The following ZNF652 variants were observed in gnomAD, a reference collection of about 807,000 sequenced individuals.
The protein encoded by ZNF652 is zinc finger protein 652.
Under a neutral mutation model 45.2 loss-of-function variants are expected in ZNF652, and 16 were observed. The ratio of observed to expected loss-of-function variants is 0.35; its 90% CI spans 0.24 to 0.54. ZNF652 has a LOEUF of 0.54. Among genes scored for constraint, ZNF652 ranks in the 20% least tolerant of loss-of-function variants. The pLI is 0.91. For missense variants in ZNF652, 614 were observed against 765.6 expected (o/e 0.80, Z 2.34); for synonymous variants, 250 against 260.6 (o/e 0.96, Z 0.39).
Position 49,295,937 on chromosome 17 carries a change from C to CAAAAAAAAAAAAAAAAA in ZNF652, c.*2459_*2475dup, listed in dbSNP as rs147522359. 6 of 51,256 alleles carry CAAAAAAAAAAAAAAAAA rather than the reference C, an allele frequency of 1.2e-4. No individual in the cohort carries two copies. The highest frequency in any genetic ancestry group is 1.5e-4 in the African/African-American group (2 of 13,628). 3.2% of individuals were successfully genotyped at this position (51,256 alleles called of 1,614,324 possible). On this transcript the variant is annotated 3_prime_UTR_variant, in exon 6 of 6. Transcript: ENST00000430262. ...CAGGCAACAGAACAAGACTCTGCCT[C>CAAAAAAAAAAAAAAAAA]AAAAAAAAAAAAAAAAAAAAAAAAA...
Position 49,298,466 on chromosome 17 carries a change from C to T in ZNF652, c.1768G>A (p.Asp590Asn). The T allele has an allele frequency of 6.2e-7, 1 of 1,613,012 alleles. No individual in the cohort carries two copies. The highest frequency in any genetic ancestry group is 1.9e-4 in the Middle Eastern group (1 of 5,204). Residue 590 changes from aspartate to asparagine, a missense_variant, in exon 6 of 6, where the codon GAC (aspartate) becomes AAC (asparagine). By Grantham distance (23) the Asp-to-Asn change is conservative (BLOSUM62 1). Transcript: ENST00000430262. ...TCTGCCAGGTGCCGCAGAAAGTTGT[C>T]CTCACTCTGGCCTCTATGATTTAAA... ...EPLNHRGQSEDNFLRHLAEKN... is the reference protein window; with the variant it reads ...EPLNHRGQSENNFLRHLAEKN...
chr17:49,327,744 T>A (rs1598302291), intron 1 of ZNF652, among the ~76,000 whole-genome samples: 2 of 5,030 alleles, frequency 4.0e-4, no homozygotes, highest in African/African-American at 1.3e-3. Context: ...TATATATATA[T>A]ATATATATAT....
At position 49,295,845 on chromosome 17, in the gene ZNF652, G is replaced by A. The variant is rs1404694885; in HGVS notation, c.*2568C>T. 2 of 147,968 alleles carry A rather than the reference G, an allele frequency of 1.4e-5. No individual in the cohort carries two copies. The highest frequency in any genetic ancestry group is 2.0e-4 in the East Asian group (1 of 5,034). The allele number at this position is 147,968 out of a possible 1,614,324, so 9.2% of individuals were successfully genotyped here. A position where few individuals can be genotyped will look rare whatever the true frequency, so the allele number is the denominator to read the frequency against. On this transcript the variant is annotated 3_prime_UTR_variant, in exon 6 of 6. Coordinates refer to ENST00000430262, the MANE Select transcript of ZNF652 (RefSeq NM_001145365.3). ...TCCAGCTACTCGGGAGGCTGAGGCA[G>A]GAGAATCACTTGAACCCGGGGGGCG...
At chr17:49,340,882 G>C (rs923108061) in intron 1 of ZNF652, among the ~76,000 whole-genome samples, 1 of 152,122 alleles carries the variant, frequency 6.6e-6, no homozygotes, top group South Asian at 2.1e-4. Flanking sequence ...CTGGGCCACA[G>C]AGTGAGACCC....
intron 1 of ZNF652, among the ~76,000 whole-genome samples, chr17:49,351,006 TATATATATACACAC>T (rs1393225463): frequency 5.2e-4 from 11 of 21,288 alleles, no homozygotes; most frequent in Admixed American, 1.7e-3. Context: ...TATATATATA[TATATATATACACAC>T]ACACACACAC....
chr17:49,357,850 T>C (rs568074569), intron 1 of ZNF652, among the ~76,000 whole-genome samples: 1 of 152,318 alleles, frequency 6.6e-6, no homozygotes, highest in Non-Finnish European at 1.5e-5. Context: ...CCGCCAGCCA[T>C]AGAGCAACAA....
intron 1 of ZNF652, among the ~76,000 whole-genome samples, chr17:49,325,466 A>G (rs937398766): frequency 2.0e-5 from 3 of 152,210 alleles, no homozygotes; most frequent in Admixed American, 6.5e-5. Context: ...GTTAACAGAT[A>G]TCAGTGTTTG....
chr17:49,350,240 T>TAA (rs879321117), intron 1 of ZNF652, among the ~76,000 whole-genome samples: 2 of 141,472 alleles, frequency 1.4e-5, no homozygotes, highest in East Asian at 4.0e-4. Context: ...ATTCCAAAAA[T>TAA]AAAAAAAAAA....
intron 1 of ZNF652, among the ~76,000 whole-genome samples, chr17:49,361,427 G>A (rs1164977173): frequency 6.6e-6 from 1 of 152,058 alleles, no homozygotes; most frequent in African/African-American, 2.4e-5. Flanking sequence ...GGTGGCGGGT[G>A]TACATCAGAC....
At position 49,312,599 on chromosome 17, in the gene ZNF652, G is replaced by C; in HGVS notation, c.1048+99C>G. On this transcript the variant is annotated intron_variant, in intron 3 of 5. Coordinates refer to ENST00000430262, the MANE Select transcript of ZNF652 (RefSeq NM_001145365.3). ...CATTCAGTTTCAACATGTCAAAACT[G>C]ATTAGGGCAATTCCTCATATCCTGC... 4 of 1,353,446 alleles carry C rather than the reference G, an allele frequency of 3.0e-6. No homozygotes were observed. In the South Asian group the frequency reaches 4.3e-5, roughly 14 times the overall value. 83.8% of individuals were successfully genotyped at this position (1,353,446 alleles called of 1,614,324 possible). A position where few individuals can be genotyped will look rare whatever the true frequency, so the allele number is the denominator to read the frequency against.
At chr17:49,355,088 T>TTA (rs1359717630) in intron 1 of ZNF652, among the ~76,000 whole-genome samples, 4 of 152,216 alleles carry the variant, frequency 2.6e-5, no homozygotes, top group African/African-American at 9.7e-5. Context: ...AACCAATTGA[T>TTA]TGACAGGTCT....
intron 5 of ZNF652, among the ~76,000 whole-genome samples, chr17:49,309,825 A>C (rs1334941346): frequency 1.3e-5 from 2 of 152,240 alleles, no homozygotes; most frequent in African/African-American, 2.4e-5. Flanking sequence ...AATGAGAAAG[A>C]AGCCCATTAG....
At chr17:49,352,663 C>T (rs1002116207) in intron 1 of ZNF652, among the ~76,000 whole-genome samples, 2 of 152,162 alleles carry the variant, frequency 1.3e-5, no homozygotes, top group African/African-American at 2.4e-5. Context: ...AACTTATATT[C>T]ACCCCAAAAC....
chr17:49,342,963 C>G, intron 1 of ZNF652, among the ~76,000 whole-genome samples: 1 of 151,672 alleles, frequency 6.6e-6, no homozygotes, highest in East Asian at 1.9e-4. Flanking sequence ...CTCACTGCAA[C>G]CTCCGCCTAC....
rs756011001 is a variant in ZNF652 at position 49,317,231 on chromosome 17, G to A, written c.495C>T (p.Asp165=). ...EEESEEEATD[D]SNDYGENEKQ... is the part of the protein sequence containing the mutation. The stretch of plus-strand genomic sequence containing the variant: ...TTTCATTCTCTCCATAGTCATTGCT[G>A]TCATCTGTGGCCTCTTCCTCACTCT... The change falls in exon 2 of 6, where the codon GAC becomes GAT. Residue 165 remains aspartate, a synonymous_variant. Transcript: ENST00000430262. The A allele has an allele frequency of 6.2e-7, 1 of 1,613,244 alleles. No homozygotes were observed. Among genetic ancestry groups the A allele is most frequent in the Non-Finnish European group, 8.5e-7 (1 of 1,180,012 alleles).
chr17:49,343,508 T>A (rs1033815604), intron 1 of ZNF652, among the ~76,000 whole-genome samples: 1 of 152,104 alleles, frequency 6.6e-6, no homozygotes, highest in African/African-American at 2.4e-5. Flanking sequence ...GGTGGAAACA[T>A]TTATGTGGGG....
chr17:49,349,612 T>A (rs932955600), intron 1 of ZNF652, among the ~76,000 whole-genome samples: 1 of 152,216 alleles, frequency 6.6e-6, no homozygotes, highest in African/African-American at 2.4e-5. Flanking sequence ...CATGAAACCA[T>A]CCTGCAGAGA....
At chr17:49,309,540 C>A (rs964918753) in intron 5 of ZNF652, among the ~76,000 whole-genome samples, 6 of 150,404 alleles carry the variant, frequency 4.0e-5, no homozygotes, top group Non-Finnish European at 5.9e-5. Context: ...AACCAAAAAA[C>A]CCCCCAAAAC....
At chr17:49,308,858 G>T (rs1479089993) in intron 5 of ZNF652, among the ~76,000 whole-genome samples, 1 of 151,190 alleles carries the variant, frequency 6.6e-6, no homozygotes, top group Non-Finnish European at 1.5e-5. Flanking sequence ...TATTCCTTTA[G>T]AAGAAACAAG....
Sources: gnomAD v4.1 joint callset for allele counts (sites outside exome capture counted in the v4.1 genomes callset) on GRCh38, gnomAD v4.1.1 for gene constraint, MANE v1.5 for transcripts, NCBI Gene and HGNC (gene_info 2026-07-23, HGNC 2026-07-21) for gene names.